UGT2B7: variants seen among roughly 807,000 people sequenced by gnomAD.
UGT2B7 encodes UDP-glucuronosyltransferase 2B7.
A neutral mutation model predicts 51.9 loss-of-function variants in UGT2B7; 51 were observed. The ratio of observed to expected loss-of-function variants is 0.98; its 90% CI spans 0.78 to 1.24. The LOEUF is 1.24. Ranked by LOEUF, UGT2B7 falls within the 50% of genes most tolerant of loss-of-function variation. The probability of loss-of-function intolerance (pLI) is 0.00; values close to 1 mark genes in which losing one functional copy is unlikely to be tolerated. For missense variants in UGT2B7, 727 were observed against 628.4 expected (o/e 1.16, Z -1.68); for synonymous variants, 225 against 211.6 (o/e 1.06, Z -0.55).
At position 69,097,244 on chromosome 4, in the gene UGT2B7, A is replaced by T. The variant is rs1259514034; in HGVS notation, c.721+3A>T. The T allele has an allele frequency of 1.9e-6, 3 of 1,600,276 alleles. No homozygotes were observed. The South Asian group carries it at 3.4e-5, about 18-fold the overall frequency. On this transcript the variant is annotated splice_donor_region_variant and intron_variant, in intron 1 of 5. Coordinates refer to ENST00000305231, the MANE Select transcript of UGT2B7 (RefSeq NM_001074.4). Reference sequence around the variant, plus strand: ...TCAGTTTTATAGTGAAGTTCTAGGTAAGTATTTTTTTCAATCAGTAACATG... The same window carrying T: ...TCAGTTTTATAGTGAAGTTCTAGGTTAGTATTTTTTTCAATCAGTAACATG...
chr4:69,064,368 C>T (rs1236637987), intron 1 of UGT2B7, among the ~76,000 whole-genome samples: 1 of 152,202 alleles, frequency 6.6e-6, no homozygotes, highest in Non-Finnish European at 1.5e-5. Context: ...TTCTTGTTCT[C>T]TGTAACTAGT....
intron 1 of UGT2B7, among the ~76,000 whole-genome samples, chr4:69,086,651 A>T (rs1165212516): frequency 6.6e-6 from 1 of 151,834 alleles, no homozygotes; most frequent in Non-Finnish European, 1.5e-5. Context: ...ATATATTTGG[A>T]TGTTCCAGTG....
chr4:69,082,878 A>G (rs62296935), intron 1 of UGT2B7, among the ~76,000 whole-genome samples: 87,189 of 151,428 alleles, frequency 0.58, 26,060 homozygotes, highest in African/African-American at 0.71. Context: ...GGGGAAGTCA[A>G]TGCCTGGCTT....
intron 2 of UGT2B7, among the ~76,000 whole-genome samples, chr4:69,101,348 A>T (rs1025903857): frequency 2.2e-4 from 33 of 152,112 alleles, no homozygotes; most frequent in South Asian, 8.3e-4. Flanking sequence ...ATTTAAAAAA[A>T]TTTTTTTCAT....
intron 1 of UGT2B7, among the ~76,000 whole-genome samples, chr4:69,057,861 G>A (rs1275860924): frequency 1.3e-5 from 2 of 152,176 alleles, no homozygotes; most frequent in Admixed American, 1.3e-4. Context: ...AATTAGAATA[G>A]CCCTCTTTTG....
At position 69,102,917 on chromosome 4, in the gene UGT2B7, C is replaced by T. The variant is rs1395552312; in HGVS notation, c.981C>T (p.Ala327=). ...TEERANVIAS[A]LAQIPQKVLW... is the part of the protein sequence containing the mutation. The stretch of plus-strand genomic sequence containing the variant: ...AAAGGGCCAACGTAATTGCATCAGC[C>T]CTGGCCCAGATCCCACAAAAGGTAA... The change falls in exon 3 of 6, where the codon GCC becomes GCT. Residue 327 remains alanine (A), a synonymous_variant. Transcript: ENST00000305231. 1.9e-6 allele frequency: 3 copies of T among 1,613,092 alleles called. No individual in the cohort carries two copies. The South Asian group carries it at 3.3e-5, about 18-fold the overall frequency.
intron 1 of UGT2B7, among the ~76,000 whole-genome samples, chr4:69,059,269 A>G (rs1718286872): frequency 6.6e-6 from 1 of 152,234 alleles, no homozygotes; most frequent in Non-Finnish European, 1.5e-5. Context: ...CTATTGTGGG[A>G]GCCACTGGAG....
intron 1 of UGT2B7, among the ~76,000 whole-genome samples, chr4:69,072,653 A>G (rs1298874348): frequency 2.0e-5 from 3 of 152,184 alleles, no homozygotes; most frequent in East Asian, 3.9e-4. Flanking sequence ...TGTAAAAATT[A>G]CTGAATAACA....
chr4:69,060,694 A>G (rs566633748), intron 1 of UGT2B7, among the ~76,000 whole-genome samples: 3 of 152,356 alleles, frequency 2.0e-5, no homozygotes, highest in South Asian at 2.1e-4. Flanking sequence ...GACACTAGCT[A>G]TCACTGCTCG....
chr4:69,063,926 A>G (rs1718413750), intron 1 of UGT2B7, among the ~76,000 whole-genome samples: 1 of 151,982 alleles, frequency 6.6e-6, no homozygotes, highest in African/African-American at 2.4e-5. Flanking sequence ...CGTACCAAAC[A>G]GAGAAGAACT....
At chr4:69,066,739 AC>A (rs1718490761) in intron 1 of UGT2B7, among the ~76,000 whole-genome samples, 1 of 152,126 alleles carries the variant, frequency 6.6e-6, no homozygotes, top group South Asian at 2.1e-4. Flanking sequence ...AAGTGTAGTT[AC>A]CTTTCACAAA....
intron 1 of UGT2B7, among the ~76,000 whole-genome samples, chr4:69,087,690 T>A (rs1336600623): frequency 2.7e-5 from 4 of 148,748 alleles, no homozygotes; most frequent in Non-Finnish European, 5.9e-5. Flanking sequence ...TTTGAAGAAT[T>A]GCTTCGGTAG....
chr4:69,099,902 A>G (rs1719369620), intron 2 of UGT2B7, among the ~76,000 whole-genome samples: 1 of 152,044 alleles, frequency 6.6e-6, no homozygotes, highest in Non-Finnish European at 1.5e-5. Flanking sequence ...AAAAGTAGAC[A>G]TATCAGTTTT....
At chr4:69,096,383 G>A (rs73823859), upstream of UGT2B7, 36,486 of 1,366,818 alleles carry the variant, frequency 0.027, 758 homozygotes, top group Middle Eastern at 0.11. Context: ...TGCTCAGACT[G>A]TTGATTTAAT....
intron 1 of UGT2B7, among the ~76,000 whole-genome samples, chr4:69,081,204 G>A (rs190077349): frequency 6.6e-6 from 1 of 152,210 alleles, no homozygotes; most frequent in East Asian, 1.9e-4. Flanking sequence ...GACCATTCAG[G>A]TAGAAACCAT....
intron 1 of UGT2B7, among the ~76,000 whole-genome samples, chr4:69,061,848 G>A (rs375042265): frequency 3.3e-5 from 5 of 152,236 alleles, no homozygotes; most frequent in East Asian, 3.9e-4. Context: ...GGACTTCTCC[G>A]AATTGCCCCA....
chr4:69,055,601 T>C (rs1053795001), intron 1 of UGT2B7, among the ~76,000 whole-genome samples: 4 of 152,154 alleles, frequency 2.6e-5, no homozygotes, highest in Non-Finnish European at 4.4e-5. Flanking sequence ...CAGGAAAAAC[T>C]AAAAATTTGT....
intron 1 of UGT2B7, among the ~76,000 whole-genome samples, chr4:69,054,338 G>A (rs1217942178): frequency 6.6e-6 from 1 of 152,084 alleles, no homozygotes; most frequent in African/African-American, 2.4e-5. Context: ...ATGTCCAAGG[G>A]CCCTGGCAGC....
chr4:69,058,010 GT>G (rs1718246249), intron 1 of UGT2B7, among the ~76,000 whole-genome samples: 1 of 152,198 alleles, frequency 6.6e-6, no homozygotes, highest in African/African-American at 2.4e-5. Context: ...ATGCAGCCCT[GT>G]TTAGCAGCTT....
Sources: allele counts gnomAD v4.1 joint callset (sites outside exome capture counted in the v4.1 genomes callset), GRCh38; gene constraint gnomAD v4.1.1; transcripts MANE v1.5; gene names NCBI Gene and HGNC (gene_info 2026-07-23, HGNC 2026-07-21).